Variants in FAM118A observed in about 807,000 individuals in gnomAD.
The protein encoded by FAM118A is SIR2 antiphage like 2, also known as protein FAM118A.
FAM118A carries 25 observed loss-of-function variants against 38.2 expected under a neutral mutation model. The observed-to-expected ratio is 0.65, with a 90% confidence interval of 0.48 to 0.91. The LOEUF is 0.91. FAM118A is among the 40% of genes least tolerant of loss of function. FAM118A has a pLI of 0.00. For synonymous variants in FAM118A, 178 were observed against 184.1 expected (o/e 0.97, Z 0.27); for missense variants, 425 against 463.3 (o/e 0.92, Z 0.76).
chr22:45,336,270 G>A (rs2086088634), intron 7 of FAM118A, 58 bp from the exon 8 acceptor site: 2 of 1,409,212 alleles, frequency 1.4e-6, no homozygotes, highest in Non-Finnish European at 2.0e-6. Context: ...ATTATGAACT[G>A]TGCCTTGGCG....
chr22:45,326,056 A>G (rs149059352), intron 3 of FAM118A, among the ~76,000 whole-genome samples: 322 of 152,208 alleles, frequency 2.1e-3, no homozygotes, highest in Admixed American at 4.9e-3. Flanking sequence ...GTGCCGGCCA[A>G]GCAACACGAA....
At chr22:45,321,197 A>G (rs558267760) in intron 1 of FAM118A, among the ~76,000 whole-genome samples, 1 of 150,964 alleles carries the variant, frequency 6.6e-6, no homozygotes, top group African/African-American at 2.4e-5. Context: ...GCTCACTGCA[A>G]CCTCCACCTC....
Position 45,340,707 on chromosome 22 carries a change from C to CA in FAM118A, c.*303dup, listed in dbSNP as rs1358283773. ...ACCTGGTGTTCCCGTTCCCATCTGA[C>CA]AGGCTCTCTTTTGTCAAGGTGGTAT... On this transcript the variant is annotated 3_prime_UTR_variant, in exon 9 of 9. Coordinates refer to ENST00000441876, the MANE Select transcript of FAM118A (RefSeq NM_017911.4). The CA allele has an allele frequency of 2.2e-6, 1 of 458,106 alleles. No individual in the cohort carries two copies. The highest frequency in any genetic ancestry group is 3.4e-5 in the East Asian group (1 of 29,502). The allele number at this position is 458,106 out of a possible 1,614,324, so 28.4% of individuals were successfully genotyped here. A position where few individuals can be genotyped will look rare whatever the true frequency, so the allele number is the denominator to read the frequency against.
chr22:45,320,490 G>A (rs1037039306), intron 1 of FAM118A, among the ~76,000 whole-genome samples: 3 of 150,706 alleles, frequency 2.0e-5, no homozygotes, highest in Non-Finnish European at 2.9e-5. Flanking sequence ...AGGCTGGAGT[G>A]CAGTGGCACA....
At chr22:45,323,073 GTGTA>G in intron 2 of FAM118A, 98 bp from the exon 3 acceptor site, 1 of 1,242,926 alleles carries the variant, frequency 8.0e-7, no homozygotes, top group Non-Finnish European at 1.1e-6. Context: ...GTGTGTGTGT[GTGTA>G]CACAGCACAA....
rs761818940 is a variant in FAM118A at position 45,336,369 on chromosome 22, A to C, written c.1012A>C (p.Asn338His). The C allele has an allele frequency of 1.9e-5, 31 of 1,614,056 alleles. No homozygotes were observed. The highest frequency in any genetic ancestry group is 2.5e-5 in the Non-Finnish European group (29 of 1,179,968). ...CTGTGCAAAGAGGAAGTTAGAAGAG[A>C]ATGGAATTGAAGTTTCAAAAAAACG... ...QDCAKRKLEE[N>H]GIEVSKKRTQ... The change falls in exon 8 of 9, where the codon AAT (asparagine) becomes CAT (histidine). Residue 338 changes from asparagine to histidine, a missense_variant. Physicochemically the swap from Asn to His is moderately conservative, Grantham distance 68. Coordinates refer to ENST00000441876, the MANE Select transcript of FAM118A (RefSeq NM_017911.4).
At chr22:45,327,752 T>C (rs918606548) in intron 3 of FAM118A, 90 bp from the exon 4 acceptor site, 2 of 1,324,376 alleles carry the variant, frequency 1.5e-6, no homozygotes, top group Non-Finnish European at 2.1e-6. Flanking sequence ...TCAGCCGCTG[T>C]ATCTCTGGCA....
chr22:45,335,294 AG>A, intron 6 of FAM118A, 55 bp from the exon 7 acceptor site: 1 of 1,609,528 alleles, frequency 6.2e-7, no homozygotes, highest in South Asian at 1.1e-5. Flanking sequence ...AGGGTGGCCG[AG>A]GAGGACGAGC....
At chr22:45,335,225 C>T (rs924579938) in intron 6 of FAM118A, 125 bp from the exon 7 acceptor site, 10 of 1,008,008 alleles carry the variant, frequency 9.9e-6, no homozygotes, top group African/African-American at 3.2e-5. Context: ...CCGCAGCCCG[C>T]GCGGGCTGAC....
At chr22:45,314,124 G>A (rs1041969653) in intron 1 of FAM118A, among the ~76,000 whole-genome samples, 5 of 152,158 alleles carry the variant, frequency 3.3e-5, no homozygotes, top group African/African-American at 1.2e-4. Context: ...CTTCCCCCAA[G>A]GAGCCTGCAG....
At chr22:45,323,535 C>A in intron 3 of FAM118A, 108 bp downstream of exon 3, 1 of 1,421,024 alleles carries the variant, frequency 7.0e-7, no homozygotes, top group Non-Finnish European at 9.5e-7. Flanking sequence ...GTTCAGTGCT[C>A]AGCAGAGTCG....
At chr22:45,337,798 G>A in intron 8 of FAM118A, 1 of 983,188 alleles carries the variant, frequency 1.0e-6, no homozygotes, top group Non-Finnish European at 1.2e-6. Context: ...GCAGACCCCA[G>A]TGTGGGGTCG....
intron 1 of FAM118A, among the ~76,000 whole-genome samples, chr22:45,311,855 C>G (rs1272045028): frequency 6.6e-6 from 1 of 152,064 alleles, no homozygotes; most frequent in Admixed American, 6.6e-5. Flanking sequence ...CCCGCTCTTT[C>G]CTGTCTGAGC....
Position 45,330,653 on chromosome 22 carries a change from C to T in FAM118A, c.573C>T (p.His191=), listed in dbSNP as rs370571453. ...TGAAGTACGGCGTCCTCCACATTCA[C>T]GGCCTCTACACGGACCCCTGCGGGG... ...GHMKYGVLHI[H]GLYTDPCGVV... is the part of the protein sequence containing the mutation. The change falls in exon 5 of 9, where the codon CAC becomes CAT. Residue 191 remains histidine (H), a synonymous_variant. Coordinates refer to ENST00000441876, the MANE Select transcript of FAM118A (RefSeq NM_017911.4). 17 of 1,600,702 alleles carry T rather than the reference C, an allele frequency of 1.1e-5. No individual in the cohort carries two copies. In the South Asian group the frequency reaches 1.1e-4, roughly 11 times the overall value.
intron 3 of FAM118A, among the ~76,000 whole-genome samples, chr22:45,325,902 G>A (rs1437282533): frequency 1.3e-5 from 2 of 152,130 alleles, no homozygotes; most frequent in Non-Finnish European, 2.9e-5. Context: ...TCAGGTCGGG[G>A]AGAAGGTGAG....
rs2085623246 is a variant in FAM118A, at chr22:45,330,426, TA to T, written c.523-176del. ...TGTACCGTCGTAGGACGGGAATAAC[TA>T]GGGCTCACAACCAAGTTTCTCTTAG... On this transcript the variant is annotated intron_variant, in intron 4 of 8. Transcript: ENST00000441876. The T allele has an allele frequency of 3.6e-5, 21 of 585,626 alleles. No homozygotes were observed. In the South Asian group the frequency reaches 7.6e-4, roughly 21 times the overall value. 36.3% of individuals were successfully genotyped at this position (585,626 alleles called of 1,614,324 possible).
chr22:45,336,394 G>T lies in FAM118A; in HGVS notation c.1037G>T (p.Arg346Leu). 1.2e-6 allele frequency: 2 copies of T among 1,613,690 alleles called. No homozygotes were observed. The highest frequency in any genetic ancestry group is 1.7e-6 in the Non-Finnish European group (2 of 1,179,616). The change falls in exon 8 of 9, where the codon CGC (arginine) becomes CTC (leucine). Residue 346 changes from arginine (R) to leucine (L), a missense_variant. By Grantham distance (102) the Arg-to-Leu change is moderately radical. Coordinates refer to ENST00000441876, the MANE Select transcript of FAM118A (RefSeq NM_017911.4). ...EENGIEVSKK[R>L]TQSDTDDAGG... is the part of the protein sequence containing the mutation. ...AATGGAATTGAAGTTTCAAAAAAAC[G>T]CACACAATCAGATACTGGTATTGTG...
rs181716657 is a variant in FAM118A, at chr22:45,320,695, C to T, written c.-9-1676C>T. Among the ~76,000 whole-genome samples the T allele has an allele frequency of 3.2e-4, 49 of 152,280 alleles. No homozygotes were observed. In the South Asian group the frequency reaches 4.2e-3, roughly 13 times the overall value. On this transcript the variant is annotated intron_variant, in intron 1 of 8. Coordinates refer to ENST00000441876, the MANE Select transcript of FAM118A (RefSeq NM_017911.4). ...TCAAGGGATCCTCCCACCTCAGCCT[C>T]CCAAAGTGCTGGGATTACAGATGTG...
chr22:45,312,781 T>TGGGGG (rs1569117691), intron 1 of FAM118A, among the ~76,000 whole-genome samples: 1 of 152,142 alleles, frequency 6.6e-6, no homozygotes, highest in Non-Finnish European at 1.5e-5. Flanking sequence ...GGGTGAGGCG[T>TGGGGG]GGGGGATGCT....
Sources: gnomAD v4.1 joint callset for allele counts (sites outside exome capture counted in the v4.1 genomes callset) on GRCh38, gnomAD v4.1.1 for gene constraint, MANE v1.5 for transcripts, NCBI Gene and HGNC (gene_info 2026-07-23, HGNC 2026-07-21) for gene names.